The following DOP1B variants were observed in gnomAD, a reference collection of about 807,000 sequenced individuals.
DOP1B encodes protein DOP1B.
Under a neutral mutation model 233.5 loss-of-function variants are expected in DOP1B, and 174 were observed. The ratio of observed to expected loss-of-function variants is 0.75; its 90% CI spans 0.66 to 0.85. The LOEUF is 0.85. Ranked by LOEUF, DOP1B falls within the 40% of genes least tolerant of loss-of-function variation. DOP1B has a pLI of 0.00. For missense variants in DOP1B, 2,652 were observed against 2,846.6 expected (o/e 0.93, Z 1.56); for synonymous variants, 1,190 against 1,185.6 (o/e 1.00, Z -0.08).
chr21:36,287,096 GAAAA>G (rs907559431), intron 32 of DOP1B, among the ~76,000 whole-genome samples: 1 of 151,374 alleles, frequency 6.6e-6, no homozygotes, highest in Non-Finnish European at 1.5e-5. Flanking sequence ...AGCTATGGAA[GAAAA>G]AAAAAGTCTC....
Position 36,211,961 on chromosome 21 carries a change from G to A in DOP1B, c.781-13G>A. On this transcript the variant is annotated splice_polypyrimidine_tract_variant and intron_variant, in intron 6 of 36. Coordinates refer to ENST00000691173, the MANE Select transcript of DOP1B (RefSeq NM_001320714.2). ...TCATTCCCTTGCAGTAAATTTCTCTGTCCTTCTAATAGGATTCCAATGAGA... is the reference window on the plus strand; with the variant it reads ...TCATTCCCTTGCAGTAAATTTCTCTATCCTTCTAATAGGATTCCAATGAGA... The A allele has an allele frequency of 6.2e-7, 1 of 1,613,714 alleles. No individual in the cohort carries two copies. The highest frequency in any genetic ancestry group is 8.5e-7 in the Non-Finnish European group (1 of 1,179,912).
At chr21:36,242,584 A>G (rs2066904468) in intron 18 of DOP1B, among the ~76,000 whole-genome samples, 1 of 152,102 alleles carries the variant, frequency 6.6e-6, no homozygotes, top group African/African-American at 2.4e-5. Flanking sequence ...AAATGCTGGG[A>G]TTACAGGCAT....
At chr21:36,157,321 G>A (rs2123373055) in intron 1 of DOP1B, among the ~76,000 whole-genome samples, 1 of 152,264 alleles carries the variant, frequency 6.6e-6, no homozygotes, top group East Asian at 1.9e-4. Flanking sequence ...GCCGGCCCAC[G>A]AAGAGACGCT....
At chr21:36,211,834 T>C in intron 6 of DOP1B, 140 bp from the exon 7 acceptor site, 1 of 1,376,516 alleles carries the variant, frequency 7.3e-7, no homozygotes. Flanking sequence ...ATTGAATAGC[T>C]TCTTTCCATG....
chr21:36,226,039 C>T (rs1243654071), intron 12 of DOP1B, among the ~76,000 whole-genome samples: 2 of 152,110 alleles, frequency 1.3e-5, no homozygotes, highest in Admixed American at 6.6e-5. Flanking sequence ...AATGTAGAAA[C>T]GTGCCAATTT....
rs148659620 is a variant in DOP1B, at chr21:36,231,919, C to G, written c.2350+785C>G. Among the ~76,000 whole-genome samples, 775 of 151,114 alleles carry G rather than the reference C, an allele frequency of 5.1e-3. 6 individuals carry two copies. Among genetic ancestry groups the G allele is most frequent in the African/African-American group, 0.018 (735 of 41,058 alleles). ...GGAGTGCAGTGGCGCGATCTTGGCT[C>G]ACTACAGCCTCCGCCTCCCGGGTTC... On this transcript the variant is annotated intron_variant, in intron 14 of 36. Coordinates refer to ENST00000691173, the MANE Select transcript of DOP1B (RefSeq NM_001320714.2).
At position 36,245,139 on chromosome 21, in the gene DOP1B, C is replaced by T. The variant is rs2066940752; in HGVS notation, c.3159C>T (p.His1053=). Residue 1053 remains histidine, a synonymous_variant, in exon 19 of 37, where the codon CAC becomes CAT. Coordinates refer to ENST00000691173, the MANE Select transcript of DOP1B (RefSeq NM_001320714.2). This position sits in a 1 kb window ranked among gnomAD's most constrained non-coding sequence, Gnocchi z 5.5. ...PEPQESGSEE[H]LPLSQFTTVD... is the part of the protein sequence containing the mutation. ...CTCAGGAGAGCGGCTCTGAAGAGCA[C>T]CTGCCTCTGAGCCAGTTCACCACAG... is the stretch of plus-strand genomic sequence containing the variant. 2.5e-6 allele frequency: 4 copies of T among 1,614,008 alleles called. No individual in the cohort carries two copies. Among genetic ancestry groups the T allele is most frequent in the East Asian group, 2.2e-5 (1 of 44,880 alleles).
In DOP1B at chr21:36,263,768, C is replaced by A; in HGVS notation, c.5441C>A (p.Thr1814Lys). The stretch of plus-strand genomic sequence containing the variant: ...AACAGCATGCTGAATGACTTTGTAA[C>A]AAGAACTCCCAACCTGGAAAACAAG... The part of the protein sequence containing the change: ...LLLSMLNDFV[T>K]RTPNLENKKD... Residue 1814 changes from threonine to lysine, a missense_variant, in exon 26 of 37, where the codon ACA (threonine) becomes AAA (lysine). Transcript: ENST00000691173. 1 of 1,614,190 alleles carries A rather than the reference C, an allele frequency of 6.2e-7. No homozygotes were observed. The highest frequency in any genetic ancestry group is 1.1e-5 in the South Asian group (1 of 91,082).
rs764412900 is a variant in DOP1B at position 36,245,015 on chromosome 21, G to A, written c.3068-33G>A. 1.3e-6 allele frequency: 2 copies of A among 1,567,494 alleles called. No homozygotes were observed. Among genetic ancestry groups the A allele is most frequent in the Non-Finnish European group, 1.7e-6 (2 of 1,151,460 alleles). On this transcript the variant is annotated intron_variant, in intron 18 of 36. Coordinates refer to ENST00000691173, the MANE Select transcript of DOP1B (RefSeq NM_001320714.2). The surrounding 1 kb of genome is among the most constrained non-coding windows in gnomAD (Gnocchi z 5.5). Reference sequence around the variant, plus strand: ...CTAATGTATCATAGCTGACCCTTCTGTCTAAAGTCATTTGTCATCTTGTAA... The same window carrying A: ...CTAATGTATCATAGCTGACCCTTCTATCTAAAGTCATTTGTCATCTTGTAA...
intron 4 of DOP1B, among the ~76,000 whole-genome samples, chr21:36,206,073 C>T (rs71330658): frequency 0.038 from 5,744 of 151,912 alleles, 128 homozygotes; most frequent in South Asian, 0.07. Context: ...ATTTAACAAC[C>T]GAGATGATCA....
At chr21:36,190,199 C>T (rs2066215824) in intron 2 of DOP1B, among the ~76,000 whole-genome samples, 1 of 151,288 alleles carries the variant, frequency 6.6e-6, no homozygotes, top group South Asian at 2.1e-4. Context: ...GTGGCACATG[C>T]CTGTAATCTC....
intron 2 of DOP1B, among the ~76,000 whole-genome samples, chr21:36,196,780 C>G (rs879694250): frequency 5.3e-5 from 8 of 152,066 alleles, no homozygotes; most frequent in Non-Finnish European, 1.0e-4. Context: ...ATTAGCCAGG[C>G]TTGGTGGCAT....
intron 2 of DOP1B, among the ~76,000 whole-genome samples, chr21:36,177,607 T>TG (rs1760967638): frequency 6.6e-6 from 1 of 152,180 alleles, no homozygotes; most frequent in South Asian, 2.1e-4. Context: ...GAGGGCTCTG[T>TG]TCTCATAAAT....
Position 36,232,908 on chromosome 21 carries a change from G to T in DOP1B, c.2455G>T (p.Glu819Ter). 1 of 1,614,044 alleles carries T rather than the reference G, an allele frequency of 6.2e-7. No individual in the cohort carries two copies. The highest frequency in any genetic ancestry group is 8.5e-7 in the Non-Finnish European group (1 of 1,180,006). The change falls in exon 15 of 37, where the codon GAA becomes TAA. Residue 819 changes from glutamate (E) to a stop codon, truncating the protein, a stop_gained. Coordinates refer to ENST00000691173, the MANE Select transcript of DOP1B (RefSeq NM_001320714.2). LOFTEE classifies it high-confidence loss of function. ...GAACGTGGCCATTTCCACTCTGCTG[G>T]AAGTGATAAACCATTCCCAGTCCCT... The part of the protein sequence containing the change: ...LQNVAISTLL[E>*]VINHSQSLAL...
intron 7 of DOP1B, among the ~76,000 whole-genome samples, 180 bp downstream of exon 7, chr21:36,212,277 A>G (rs746774434): frequency 1.3e-5 from 2 of 152,178 alleles, no homozygotes; most frequent in Non-Finnish European, 2.9e-5. Flanking sequence ...TAGCTTGGTT[A>G]TTTTGCAGTT....
intron 24 of DOP1B, chr21:36,261,915 A>C (rs2067176326): frequency 2.1e-6 from 2 of 974,756 alleles, no homozygotes; most frequent in Non-Finnish European, 1.2e-6. Flanking sequence ...TATCTCAAAA[A>C]GGAAAAAAAA....
chr21:36,240,419 G>C (rs2123574812), intron 18 of DOP1B, among the ~76,000 whole-genome samples: 1 of 152,314 alleles, frequency 6.6e-6, no homozygotes, highest in South Asian at 2.1e-4. Flanking sequence ...GGTAGAGATT[G>C]CAGTGAGCTG....
At chr21:36,199,601 G>A (rs942036464) in intron 3 of DOP1B, among the ~76,000 whole-genome samples, 13 of 151,578 alleles carry the variant, frequency 8.6e-5, no homozygotes, top group African/African-American at 3.2e-4. Context: ...CCGACCCCAT[G>A]ACAGGCCCCA....
intron 2 of DOP1B, among the ~76,000 whole-genome samples, chr21:36,178,799 T>C (rs2066061781): frequency 6.6e-6 from 1 of 152,266 alleles, no homozygotes; most frequent in Admixed American, 6.5e-5. Context: ...CTTTTAAATT[T>C]CTTTCCAACT....
Sources: gnomAD v4.1 joint callset for allele counts (sites outside exome capture counted in the v4.1 genomes callset) on GRCh38, gnomAD v4.1.1 for gene constraint, Gnocchi (gnomAD v3.1) non-coding constraint, MANE v1.5 for transcripts, NCBI Gene and HGNC (gene_info 2026-07-23, HGNC 2026-07-21) for gene names.